WDR44: variants seen among roughly 807,000 people sequenced by gnomAD.
WDR44 encodes WD repeat-containing protein 44.
WDR44 carries 9 observed loss-of-function variants against 65.7 expected under a neutral mutation model. The observed-to-expected ratio is 0.14, with a 90% CI of 0.08 to 0.24. The LOEUF is 0.24. Ranked by LOEUF, WDR44 falls within the 10% of genes least tolerant of loss-of-function variation. WDR44 has a pLI of 1.00. For synonymous variants in WDR44, 220 were observed against 235.2 expected (o/e 0.94, Z 0.59); for missense variants, 425 against 670.9 (o/e 0.63, Z 4.05).
At chrX:118,352,318 TTATATATATATATA>T (rs1234642278) in intron 1 of WDR44, among the ~76,000 whole-genome samples, 10 of 16,864 alleles carry the variant, frequency 5.9e-4, no homozygotes, top group African/African-American at 2.1e-3. Flanking sequence ...CCCAGCTAAT[TTATATATATATATA>T]TATATATATA....
intron 12 of WDR44, among the ~76,000 whole-genome samples, chrX:118,422,232 TA>T (rs60887150): frequency 0.43 from 44,104 of 102,341 alleles, 10,580 homozygotes; most frequent in African/African-American, 0.86. Flanking sequence ...TGTCTCTATT[TA>T]AAAAAAAAAA....
chrX:118,433,026 C>A, intron 13 of WDR44, 132 bp downstream of exon 13: 1 of 483,657 alleles, frequency 2.1e-6, no homozygotes, highest in Non-Finnish European at 3.5e-6. Context: ...TGGATGAGGC[C>A]CACCCACATA....
At chrX:118,407,175 G>C (rs1311964691) in intron 10 of WDR44, 149 bp downstream of exon 10, 2 of 554,818 alleles carry the variant, frequency 3.6e-6, no homozygotes. Flanking sequence ...TAATGAATAG[G>C]TAATGCAAAG....
intron 17 of WDR44, among the ~76,000 whole-genome samples, 160 bp downstream of exon 17, chrX:118,442,840 A>G (rs755565680): frequency 8.9e-6 from 1 of 112,108 alleles, no homozygotes; most frequent in East Asian, 2.8e-4. Flanking sequence ...TATATAGTAT[A>G]TAGAATTCGA....
intron 1 of WDR44, among the ~76,000 whole-genome samples, chrX:118,354,802 A>G (rs2056445156): frequency 1.8e-5 from 2 of 112,028 alleles, no homozygotes; most frequent in South Asian, 3.7e-4. Context: ...AGACTATTCC[A>G]GTACAAAACT....
At chrX:118,418,907 G>T (rs1048485218) in intron 12 of WDR44, among the ~76,000 whole-genome samples, 1 of 110,567 alleles carries the variant, frequency 9.0e-6, no homozygotes. Flanking sequence ...ATGAAGTTGC[G>T]TACCTAGGAA....
In WDR44 at chrX:118,392,710, C is replaced by T. The variant is rs1449988103; in HGVS notation, c.265C>T (p.Leu89Phe). 8.3e-7 allele frequency: 1 copy of T among 1,211,144 alleles called. No individual in the cohort carries two copies. The highest frequency in any genetic ancestry group is 3.0e-5 in the East Asian group (1 of 33,849). ...DDSLDSKGKE[L>F]SDQATASPIV... ...CTCTTTGGATTCCAAAGGAAAAGAA[C>T]TCTCTGATCAAGCTACTGCCAGTCC... Residue 89 changes from leucine to phenylalanine, a missense_variant, in exon 4 of 20, where the codon CTC becomes TTC. Around this residue, in one of 5 missense-constraint regions of WDR44, gnomAD observed 193 missense variants for 209.0 expected, o/e 0.92. Coordinates refer to ENST00000254029, the MANE Select transcript of WDR44 (RefSeq NM_019045.5).
intron 8 of WDR44, among the ~76,000 whole-genome samples, chrX:118,402,421 G>C: frequency 1.2e-5 from 1 of 80,364 alleles, no homozygotes; most frequent in Non-Finnish European, 2.2e-5. Flanking sequence ...GGCATCAAGA[G>C]TGAAACTCTG....
At chrX:118,347,653 C>T (rs2056364587) in intron 1 of WDR44, among the ~76,000 whole-genome samples, 2 of 112,336 alleles carry the variant, frequency 1.8e-5, no homozygotes, top group Middle Eastern at 4.6e-3. Context: ...AGTAATAACC[C>T]GCTGTGATGC....
intron 2 of WDR44, chrX:118,386,474 T>G (rs773044400): frequency 2.9e-6 from 1 of 344,442 alleles, no homozygotes; most frequent in East Asian, 8.8e-5. Context: ...GTGGGTTTAA[T>G]TTTTTTCATC....
intron 1 of WDR44, among the ~76,000 whole-genome samples, chrX:118,368,480 T>TATATATATATATAC (rs1487283299): frequency 2.0e-4 from 20 of 98,602 alleles, no homozygotes; most frequent in African/African-American, 7.5e-4. Flanking sequence ...TATATATATA[T>TATATATATATATAC]ACTTCTTGAG....
Position 118,393,022 on chromosome X carries a change from G to A in WDR44, c.577G>A (p.Val193Met). 1 of 1,212,016 alleles carries A rather than the reference G, an allele frequency of 8.3e-7. No homozygotes were observed. The highest frequency in any genetic ancestry group is 1.1e-6 in the Non-Finnish European group (1 of 895,609). Residue 193 changes from valine (V) to methionine (M), a missense_variant, in exon 4 of 20, where the codon GTG (valine) becomes ATG (methionine). Transcript: ENST00000254029. ...VKGGGDVLEP[V>M]SSDSLSTKDF... ...AGGAGGTGGTGATGTTTTAGAGCCT[G>A]TGTCCTCAGACTCCTTATCTACTAA...
rs746109165 is a variant in WDR44, at chrX:118,424,265, T to A, written c.1738-8516T>A. ...CACATCTTCACTAATACTTGTTATC[T>A]TATATATATATATATATGTGTGTGT... On this transcript the variant is annotated intron_variant, in intron 12 of 19. Coordinates refer to ENST00000254029, the MANE Select transcript of WDR44 (RefSeq NM_019045.5). 4.7e-3 allele frequency among the ~76,000 whole-genome samples: 362 copies of A among 77,207 alleles called. 4 individuals carry two copies. Among genetic ancestry groups the A allele is most frequent in the African/African-American group, 0.019 (290 of 15,291 alleles). 67.0% of individuals were successfully genotyped at this position (77,207 alleles called of 115,157 possible).
At chrX:118,402,485 T>TGCTTG (rs988498201) in intron 8 of WDR44, among the ~76,000 whole-genome samples, 13 of 96,841 alleles carry the variant, frequency 1.3e-4, no homozygotes, top group Non-Finnish European at 2.4e-4. Context: ...CAATGGCTCA[T>TGCTTG]GCTTGTAATC....
chrX:118,440,949 CTTTTTTTTTTTTTTTT>C (rs1214126337), intron 14 of WDR44, among the ~76,000 whole-genome samples: 10 of 50,358 alleles, frequency 2.0e-4, no homozygotes, highest in Middle Eastern at 0.014. Flanking sequence ...TAAATGAAAT[CTTTTTTTTTTTTTTTT>C]TTTTTTTTTT....
chrX:118,386,113 A>G (rs1388257456), intron 2 of WDR44, among the ~76,000 whole-genome samples: 1 of 111,462 alleles, frequency 9.0e-6, no homozygotes, highest in Non-Finnish European at 1.9e-5. Context: ...GCCTATTGTG[A>G]TCATATCCTG....
chrX:118,443,151 A>G (rs1479656599), intron 17 of WDR44, among the ~76,000 whole-genome samples: 1 of 111,476 alleles, frequency 9.0e-6, no homozygotes, highest in East Asian at 2.8e-4. Context: ...TTAAATTTCT[A>G]ATTTGGGTTC....
intron 1 of WDR44, among the ~76,000 whole-genome samples, chrX:118,352,352 A>ATTTTTTTTTTTTTTTTTTTTT (rs556374639): frequency 1.4e-4 from 2 of 14,226 alleles, no homozygotes; most frequent in African/African-American, 7.4e-4. Context: ...ATATATATAT[A>ATTTTTTTTTTTTTTTTTTTTT]TTTTTTTTTT....
intron 12 of WDR44, among the ~76,000 whole-genome samples, chrX:118,414,685 G>A (rs2057041600): frequency 8.9e-6 from 1 of 111,737 alleles, no homozygotes; most frequent in African/African-American, 3.3e-5. Flanking sequence ...TCGCTTGGTT[G>A]CTGTTGGTGT....
Sources: allele counts gnomAD v4.1 joint callset (sites outside exome capture counted in the v4.1 genomes callset), GRCh38; gene constraint gnomAD v4.1.1; regional missense constraint gnomAD v4.1.1; transcripts MANE v1.5; gene names NCBI Gene and HGNC (gene_info 2026-07-23, HGNC 2026-07-21).